The following GLDC variants were observed in gnomAD, a reference collection of about 807,000 sequenced individuals.
The protein encoded by GLDC is glycine decarboxylase, also known as glycine dehydrogenase (decarboxylating), mitochondrial.
Under a neutral mutation model 121.3 loss-of-function variants are expected in GLDC, and 104 were observed. The ratio of observed to expected loss-of-function variants is 0.86; its 90% CI spans 0.73 to 1.01. GLDC has a LOEUF of 1.01. GLDC is among the 50% of genes least tolerant of loss of function. The pLI is 0.00. For missense variants in GLDC, 1,429 were observed against 1,306.6 expected, an observed-to-expected ratio of 1.09 and a Z score of -1.44; for synonymous variants, 546 against 480.6, an observed-to-expected ratio of 1.14 and a Z score of -1.78.
Position 6,602,040 on chromosome 9 carries a change from T to G in GLDC, c.1155+69A>C, listed in dbSNP as rs903187409. 8.5e-6 allele frequency: 8 copies of G among 941,634 alleles called. No individual in the cohort carries two copies. The South Asian group carries it at 9.1e-5, about 11-fold the overall frequency. The allele number at this position is 941,634 out of a possible 1,614,324, so 58.3% of individuals were successfully genotyped here. On this transcript the variant is annotated intron_variant, in intron 8 of 24. Coordinates refer to ENST00000321612, the MANE Select transcript of GLDC (RefSeq NM_000170.3). ...GGTGGTGAATAAATGAACAAATGAA[T>G]GAATGAATGAGTAGCTCATTTCTGT...
chr9:6,581,418 A>C (rs1818168657), intron 15 of GLDC, among the ~76,000 whole-genome samples: 1 of 152,162 alleles, frequency 6.6e-6, no homozygotes, highest in Non-Finnish European at 1.5e-5. Context: ...CAACCACATA[A>C]ACTTCTTGTA....
intron 15 of GLDC, among the ~76,000 whole-genome samples, chr9:6,579,299 T>G (rs2129805372): frequency 6.6e-6 from 1 of 152,266 alleles, no homozygotes; most frequent in South Asian, 2.1e-4. Flanking sequence ...ATCATTTTGG[T>G]TATACAATTT....
Position 6,558,621 on chromosome 9 carries a change from T to G in GLDC, c.1990A>C (p.Lys664Gln). Residue 664 changes from lysine (K) to glutamine (Q), a missense_variant, in exon 17 of 25, where the codon AAG (lysine) becomes CAG (glutamine). Lys to Gln is a moderately conservative substitution (Grantham distance 53). Coordinates refer to ENST00000321612, the MANE Select transcript of GLDC (RefSeq NM_000170.3). ...TTATCCACCTCCACAGGCTGAATCT[T>G]CATGCCTGCCATGTGGGCACTTGCT... ...NPASAHMAGM[K>Q]IQPVEVDKYG... is the part of the protein sequence containing the mutation. 1 of 1,614,188 alleles carries G rather than the reference T, an allele frequency of 6.2e-7. No individual in the cohort carries two copies. The highest frequency in any genetic ancestry group is 8.5e-7 in the Non-Finnish European group (1 of 1,179,988).
intron 3 of GLDC, among the ~76,000 whole-genome samples, chr9:6,615,863 C>A: frequency 6.6e-6 from 1 of 152,284 alleles, no homozygotes; most frequent in South Asian, 2.1e-4. Flanking sequence ...ATCTGCCCAC[C>A]TCGGCCTCCC....
At chr9:6,538,207 G>A (rs1163645597) in intron 22 of GLDC, among the ~76,000 whole-genome samples, 1 of 151,820 alleles carries the variant, frequency 6.6e-6, no homozygotes, top group Non-Finnish European at 1.5e-5. Context: ...CTGCTGTAGT[G>A]GTCCCCATAT....
intron 15 of GLDC, among the ~76,000 whole-genome samples, chr9:6,583,822 T>C (rs1818215873): frequency 6.6e-6 from 1 of 152,176 alleles, no homozygotes; most frequent in South Asian, 2.1e-4. Flanking sequence ...GTCAAATTCA[T>C]GGAGCCAGAA....
chr9:6,562,209 A>T (rs1354811498), intron 16 of GLDC, among the ~76,000 whole-genome samples: 1 of 152,238 alleles, frequency 6.6e-6, no homozygotes, highest in East Asian at 1.9e-4. Context: ...GTGTTTGTTA[A>T]ATAAATTTGT....
Position 6,598,406 on chromosome 9 carries a change from T to C in GLDC, c.1156-3287A>G, listed in dbSNP as rs541150729. 8.4e-4 allele frequency among the ~76,000 whole-genome samples: 128 copies of C among 152,234 alleles called. 2 individuals carry two copies. The South Asian group carries it at 0.026, about 31-fold the overall frequency. On this transcript the variant is annotated intron_variant, in intron 8 of 24. Coordinates refer to ENST00000321612, the MANE Select transcript of GLDC (RefSeq NM_000170.3). Reference sequence around the variant, plus strand: ...GAGACTCCCTATAGAAAAATTTATTTAAAAAAGAATCATTAACACACTTTC... The same window carrying C: ...GAGACTCCCTATAGAAAAATTTATTCAAAAAAGAATCATTAACACACTTTC...
chr9:6,570,608 C>T (rs1221344873), intron 15 of GLDC, among the ~76,000 whole-genome samples: 1 of 152,108 alleles, frequency 6.6e-6, no homozygotes, highest in African/African-American at 2.4e-5. Context: ...AATCCCAGCA[C>T]TTTGGGAGGC....
chr9:6,588,561 C>G (rs1350478071), intron 13 of GLDC, 57 bp downstream of exon 13: 1 of 1,475,366 alleles, frequency 6.8e-7, no homozygotes, highest in Non-Finnish European at 9.5e-7. Flanking sequence ...TAGGTAGGAC[C>G]AAGAGACGTG....
At chr9:6,545,308 C>T (rs1441269657) in intron 21 of GLDC, among the ~76,000 whole-genome samples, 1 of 152,218 alleles carries the variant, frequency 6.6e-6, no homozygotes, top group East Asian at 1.9e-4. Context: ...CTACATGGTA[C>T]AGCCTCTTGC....
At chr9:6,577,238 CAG>C (rs1241598749) in intron 15 of GLDC, among the ~76,000 whole-genome samples, 4 of 152,232 alleles carry the variant, frequency 2.6e-5, no homozygotes, top group Admixed American at 1.3e-4. Flanking sequence ...ATTTGAGAAC[CAG>C]AGAGTTGTAT....
At chr9:6,605,606 C>G (rs1818714151) in intron 5 of GLDC, among the ~76,000 whole-genome samples, 1 of 152,324 alleles carries the variant, frequency 6.6e-6, no homozygotes, top group East Asian at 1.9e-4. Context: ...GCCATCACCT[C>G]TTTCACTGGC....
At chr9:6,611,050 G>A (rs950070140) in intron 3 of GLDC, among the ~76,000 whole-genome samples, 27 of 152,138 alleles carry the variant, frequency 1.8e-4, no homozygotes, top group African/African-American at 6.3e-4. Flanking sequence ...TTTGTTTTAT[G>A]TTAACCAGGA....
At chr9:6,548,924 T>G (rs948314218) in intron 21 of GLDC, among the ~76,000 whole-genome samples, 5 of 152,198 alleles carry the variant, frequency 3.3e-5, no homozygotes, top group African/African-American at 1.2e-4. Flanking sequence ...TACATCCTAC[T>G]GAAGCAGCCC....
intron 15 of GLDC, among the ~76,000 whole-genome samples, chr9:6,572,556 A>G (rs546527131): frequency 1.3e-5 from 2 of 152,316 alleles, no homozygotes; most frequent in South Asian, 4.1e-4. Context: ...GTCACTAAAC[A>G]CTAATAAGAC....
rs7022724 is a variant in GLDC, at chr9:6,587,505, C to T, written c.1708-222G>A. On this transcript the variant is annotated intron_variant, in intron 14 of 24. Coordinates refer to ENST00000321612, the MANE Select transcript of GLDC (RefSeq NM_000170.3). ...CATAGTTGTCCAAAAAGGGAACTTACACAAAAATACAATGTTTTGCTAACT... is the reference window on the plus strand; with the variant it reads ...CATAGTTGTCCAAAAAGGGAACTTATACAAAAATACAATGTTTTGCTAACT... Among the ~76,000 whole-genome samples the T allele has an allele frequency of 0.52, 78,608 of 152,036 alleles. 20,757 individuals carry two copies. Among genetic ancestry groups the T allele is most frequent in the Middle Eastern group, 0.56 (166 of 294 alleles).
chr9:6,587,095 A>C, intron 15 of GLDC, 46 bp downstream of exon 15: 2 of 1,529,242 alleles, frequency 1.3e-6, no homozygotes, highest in Non-Finnish European at 1.8e-6. Context: ...GGTGTATGCT[A>C]TACAAGAATA....
chr9:6,550,822 A>T lies in GLDC; in HGVS notation c.2550T>A (p.Ile850=), dbSNP rs778939021. The part of the protein sequence containing the change: ...MAKRLETHYR[I]LFRGARGYVG... ...ACTTGCCTCTTGCACCCCTGAAAAG[A>T]ATTCTGTAGTGTGTTTCTAATCGCT... The change falls in exon 21 of 25, where the codon ATT becomes ATA. Residue 850 remains isoleucine (I), a synonymous_variant. Coordinates refer to ENST00000321612, the MANE Select transcript of GLDC (RefSeq NM_000170.3). 6.2e-7 allele frequency: 1 copy of T among 1,612,208 alleles called. No homozygotes were observed. Among genetic ancestry groups the T allele is most frequent in the Non-Finnish European group, 8.5e-7 (1 of 1,178,246 alleles).
Sources: gnomAD v4.1 joint callset for allele counts (sites outside exome capture counted in the v4.1 genomes callset) on GRCh38, gnomAD v4.1.1 for gene constraint, MANE v1.5 for transcripts, NCBI Gene and HGNC (gene_info 2026-07-23, HGNC 2026-07-21) for gene names.